Variants in ZNF518A observed in about 807,000 individuals in gnomAD.
ZNF518A encodes the protein zinc finger protein 518.
A neutral mutation model predicts 102.7 loss-of-function variants in ZNF518A; 47 were observed. That is an observed-to-expected ratio of 0.46 (90% confidence interval 0.36 to 0.58). The LOEUF is 0.58. Among genes scored for constraint, ZNF518A ranks in the 20% least tolerant of loss-of-function variants. ZNF518A has a pLI of 0.00. For missense variants in ZNF518A, 1,793 were observed against 1,699.8 expected, an observed-to-expected ratio of 1.05 and a Z score of -0.96; for synonymous variants, 652 against 594.6, an observed-to-expected ratio of 1.10 and a Z score of -1.40.
chr10:96,199,099 T>A (rs1373223744), intron 1 of ZNF518A, among the ~76,000 whole-genome samples: 1 of 152,188 alleles, frequency 6.6e-6, no homozygotes, highest in Non-Finnish European at 1.5e-5. Context: ...AAAGAGACAA[T>A]GGTGGAAGTC....
intron 1 of ZNF518A, among the ~76,000 whole-genome samples, chr10:96,183,024 T>A (rs1008655954): frequency 8.5e-5 from 13 of 152,216 alleles, no homozygotes; most frequent in African/African-American, 3.1e-4. Flanking sequence ...TATTCAGGGA[T>A]TCACTTCTTC....
chr10:96,175,491 G>C, intron 1 of ZNF518A, among the ~76,000 whole-genome samples: 1 of 152,178 alleles, frequency 6.6e-6, no homozygotes, highest in East Asian at 1.9e-4. Flanking sequence ...TGGAATGCAA[G>C]AAGTTTATTG....
chr10:96,167,291 T>C (rs1410175254), downstream of ZNF518A, among the ~76,000 whole-genome samples: 1 of 151,982 alleles, frequency 6.6e-6, no homozygotes, highest in African/African-American at 2.4e-5. Flanking sequence ...TGAAACCCCG[T>C]CTCTACTAAA....
intron 3 of ZNF518A, among the ~76,000 whole-genome samples, chr10:96,134,537 T>A (rs1380812315): frequency 1.3e-5 from 2 of 152,196 alleles, no homozygotes; most frequent in Non-Finnish European, 2.9e-5. Flanking sequence ...CCCGGCCTAC[T>A]TCCAAGCATT....
At position 96,179,851 on chromosome 10, in the gene ZNF518A, TTTC is replaced by T. The variant is rs1478634629; in HGVS notation, n.36-23717_36-23715del. 2.7e-4 allele frequency among the ~76,000 whole-genome samples: 41 copies of T among 150,196 alleles called. 2 individuals are homozygous for T. The South Asian group carries it at 8.1e-3, about 30-fold the overall frequency. On this transcript the variant is annotated intron_variant and non_coding_transcript_variant, in intron 1 of 2. Coordinates refer to the ZNF518A transcript ENST00000442635. ...TTCTCCTCCTCCTCATCCTTCTTCT[TTTC>T]TTCTTTTTTTCTTCTTCTTTCTTTC...
intron 3 of ZNF518A, among the ~76,000 whole-genome samples, chr10:96,135,785 G>C (rs1389562668): frequency 6.6e-6 from 1 of 152,142 alleles, no homozygotes; most frequent in Non-Finnish European, 1.5e-5. Flanking sequence ...CTTCTAGTTA[G>C]GAATTCATAT....
chr10:96,141,079 A>G (rs587688675), intron 3 of ZNF518A, among the ~76,000 whole-genome samples: 1 of 152,328 alleles, frequency 6.6e-6, no homozygotes, highest in Admixed American at 6.5e-5. Context: ...TCATAGTCAT[A>G]TATTTGATTT....
At position 96,158,205 on chromosome 10, in the gene ZNF518A, C is replaced by T. The variant is rs1554884346; in HGVS notation, c.1883C>T (p.Pro628Leu). Residue 628 changes from proline to leucine, a missense_variant, in exon 6 of 6, where the codon CCT (proline) becomes CTT (leucine). Physicochemically the swap from Pro to Leu is moderately conservative, Grantham distance 98 (BLOSUM62 -3). Around this residue, in one of 3 missense-constraint regions of ZNF518A, gnomAD observed 1,741 missense variants for 1,622.6 expected, o/e 1.07. Coordinates refer to ENST00000316045, the MANE Select transcript of ZNF518A (RefSeq NM_001330736.2). ...YCINYGNCEL[P>L]VESSNQGSLP... ...ATTAATTATGGCAACTGTGAGTTACCTGTTGAATCCTCCAACCAAGGATCA... is the reference window on the plus strand; with the variant it reads ...ATTAATTATGGCAACTGTGAGTTACTTGTTGAATCCTCCAACCAAGGATCA... The T allele has an allele frequency of 6.2e-7, 1 of 1,613,666 alleles. No individual in the cohort carries two copies. Among genetic ancestry groups the T allele is most frequent in the South Asian group, 1.1e-5 (1 of 91,050 alleles).
rs114959081 is a variant in ZNF518A at position 96,137,738 on chromosome 10, C to G, written c.-302+4090C>G. ...TTGGACTGCTCTTTTTGTTTATTCCCCCTGGTGATTTCATCCTGCTCCAAG... is the reference window on the plus strand; with the variant it reads ...TTGGACTGCTCTTTTTGTTTATTCCGCCTGGTGATTTCATCCTGCTCCAAG... On this transcript the variant is annotated intron_variant, in intron 3 of 5. Transcript: ENST00000316045. Among the ~76,000 whole-genome samples, 1,188 of 152,182 alleles carry G rather than the reference C, an allele frequency of 7.8e-3. 15 individuals are homozygous for G. Among genetic ancestry groups the G allele is most frequent in the African/African-American group, 0.026 (1,068 of 41,500 alleles).
In ZNF518A at chr10:96,200,623, G is replaced by A. The variant is rs1554895879; in HGVS notation, n.36-2951G>A. ...AAAGACTTGCCCAAGGGCACACAGA[G>A]TCCTTTCTCTGTCCCTTTATAAACT... On this transcript the variant is annotated intron_variant and non_coding_transcript_variant, in intron 1 of 2. Transcript: ENST00000442635. This position sits in a 1 kb window ranked among gnomAD's most constrained non-coding sequence, Gnocchi z 4.3. Among the ~76,000 whole-genome samples, 2 of 152,204 alleles carry A rather than the reference G, an allele frequency of 1.3e-5. No homozygotes were observed.
At chr10:96,167,668 A>G (rs1321489813), downstream of ZNF518A, among the ~76,000 whole-genome samples, 2 of 152,222 alleles carry the variant, frequency 1.3e-5, no homozygotes, top group African/African-American at 2.4e-5. Flanking sequence ...AGAATCAGCA[A>G]ACCTGCAGAT....
At chr10:96,199,056 TCAGAATCTACTACAGGTACAC>T (rs2133941571) in intron 1 of ZNF518A, among the ~76,000 whole-genome samples, 1 of 152,266 alleles carries the variant, frequency 6.6e-6, no homozygotes, top group African/African-American at 2.4e-5. Flanking sequence ...CGATTTTTCC[TCAGAATCTACTACAGGTACAC>T]TTCATCAAAG....
chr10:96,138,175 C>T (rs2081713771), intron 3 of ZNF518A, among the ~76,000 whole-genome samples: 1 of 152,122 alleles, frequency 6.6e-6, no homozygotes, highest in South Asian at 2.1e-4. Context: ...CTCTTAATCC[C>T]TCCTGAATAC....
intron 1 of ZNF518A, among the ~76,000 whole-genome samples, chr10:96,177,814 A>G (rs2083214567): frequency 6.6e-6 from 1 of 152,150 alleles, no homozygotes; most frequent in Non-Finnish European, 1.5e-5. Context: ...AAACACTCCA[A>G]TTAAAAGGCA....
At position 96,159,771 on chromosome 10, in the gene ZNF518A, C is replaced by G. The variant is rs143405320; in HGVS notation, c.3449C>G (p.Pro1150Arg). The G allele has an allele frequency of 1.2e-6, 2 of 1,613,542 alleles. No individual in the cohort carries two copies. The highest frequency in any genetic ancestry group is 1.7e-6 in the Non-Finnish European group (2 of 1,179,778). Residue 1150 changes from proline (P) to arginine (R), a missense_variant, in exon 6 of 6, where the codon CCT becomes CGT. This residue lies in a region of ZNF518A where 1,741 missense variants were observed against 1,622.6 expected (regional missense o/e 1.07). Transcript: ENST00000316045. Reference protein sequence around the residue: ...PQRILLKIFNPVLNVTAANNL... With the variant: ...PQRILLKIFNRVLNVTAANNL... The stretch of plus-strand genomic sequence containing the variant: ...AGAATATTGCTGAAAATTTTTAACC[C>G]TGTTTTAAATGTGACTGCTGCTAAT...
intron 3 of ZNF518A, among the ~76,000 whole-genome samples, chr10:96,148,397 G>A (rs2133526435): frequency 6.6e-6 from 1 of 152,152 alleles, no homozygotes; most frequent in Non-Finnish European, 1.5e-5. Flanking sequence ...CTGAGATCGT[G>A]CCATTGCACT....
At chr10:96,189,493 T>C in intron 1 of ZNF518A, 1 of 634,672 alleles carries the variant, frequency 1.6e-6, no homozygotes, top group Non-Finnish European at 2.9e-6. Flanking sequence ...CTTGCTTGCA[T>C]TTTTGATTTA....
rs587632645 is a variant in ZNF518A, at chr10:96,169,602, T to C, written n.35+13555T>C. Reference sequence around the variant, plus strand: ...TTCTTTAAACATGGTTTCTTTTAGTTCTTTGAACATATTTAAGATAGCTGA... The same window carrying C: ...TTCTTTAAACATGGTTTCTTTTAGTCCTTTGAACATATTTAAGATAGCTGA... On this transcript the variant is annotated intron_variant and non_coding_transcript_variant, in intron 1 of 2. Coordinates refer to the ZNF518A transcript ENST00000442635. 4.5e-4 allele frequency among the ~76,000 whole-genome samples: 69 copies of C among 152,344 alleles called. 1 individual carries two copies. In the South Asian group the frequency reaches 0.014, roughly 31 times the overall value.
At chr10:96,169,636 C>T (rs1440370232) in intron 1 of ZNF518A, among the ~76,000 whole-genome samples, 2 of 152,148 alleles carry the variant, frequency 1.3e-5, no homozygotes, top group Non-Finnish European at 2.9e-5. Flanking sequence ...GAGTTGAAGT[C>T]TTTGTTCAAA....
Sources: allele counts gnomAD v4.1 joint callset (sites outside exome capture counted in the v4.1 genomes callset), GRCh38; gene constraint gnomAD v4.1.1; regional missense constraint gnomAD v4.1.1; non-coding constraint Gnocchi (gnomAD v3.1); transcripts MANE v1.5; gene names NCBI Gene and HGNC (gene_info 2026-07-23, HGNC 2026-07-21).